RRP12: variants seen among roughly 807,000 people sequenced by gnomAD.
RRP12 encodes the protein ribosomal RNA processing 12 homolog.
In RRP12, 78 loss-of-function variants were observed where a neutral mutation model predicts 157.3. That is an observed-to-expected ratio of 0.50 (90% confidence interval 0.41 to 0.60). RRP12 has a LOEUF of 0.60. RRP12 is among the 20% of genes least tolerant of loss of function. RRP12 has a pLI of 0.00. For missense variants in RRP12, 1,521 were observed against 1,679.9 expected, an observed-to-expected ratio of 0.91 and a Z score of 1.65; for synonymous variants, 726 against 670.9, an observed-to-expected ratio of 1.08 and a Z score of -1.27.
chr10:97,395,342 G>A (rs1214486086), intron 3 of RRP12, among the ~76,000 whole-genome samples: 1 of 149,896 alleles, frequency 6.7e-6, no homozygotes, highest in East Asian at 2.0e-4. Flanking sequence ...ACCTGAGGTT[G>A]CGAGTTCGAG....
rs1179377981 is a variant in RRP12, at chr10:97,393,723, A to G, written c.491T>C (p.Leu164Pro). ...TMEAVESPES[L>P]AAVAYLLNLV... Reference sequence around the variant, plus strand: ...GTTCAGCAGGTAAGCAACGGCGGCCAGGGACTCCGGGGACTCCACTGCTTC... The same window carrying G: ...GTTCAGCAGGTAAGCAACGGCGGCCGGGGACTCCGGGGACTCCACTGCTTC... The change falls in exon 4 of 34, where the codon CTG becomes CCG. Residue 164 changes from leucine (L) to proline (P), a missense_variant. Leu to Pro is a moderately conservative substitution (Grantham distance 98). Coordinates refer to ENST00000370992, the MANE Select transcript of RRP12 (RefSeq NM_015179.4). The G allele has an allele frequency of 6.2e-7, 1 of 1,614,010 alleles. No homozygotes were observed. The highest frequency in any genetic ancestry group is 8.5e-7 in the Non-Finnish European group (1 of 1,180,016).
chr10:97,369,926 G>C (rs1434427149), intron 24 of RRP12, among the ~76,000 whole-genome samples: 3 of 152,208 alleles, frequency 2.0e-5, no homozygotes, highest in Non-Finnish European at 4.4e-5. Context: ...ATGGGATGCA[G>C]GGCCACTGGA....
chr10:97,380,715 T>TTG, intron 13 of RRP12, 84 bp downstream of exon 13: 1 of 972,936 alleles, frequency 1.0e-6, no homozygotes, highest in Non-Finnish European at 1.7e-6. Context: ...GGTGCAGAGA[T>TTG]AACAGAGACA....
Position 97,369,331 on chromosome 10 carries a change from T to C in RRP12, c.2955+94A>G, listed in dbSNP as rs184725539. 102 of 1,315,848 alleles carry C rather than the reference T, an allele frequency of 7.8e-5. No homozygotes were observed. The African/African-American group carries it at 1.3e-3, about 17-fold the overall frequency. 81.5% of individuals were successfully genotyped at this position (1,315,848 alleles called of 1,614,324 possible). ...TAATGACCTCTGGCTACAAAAAAAA[T>C]AGTTTGAAACTTGCTGGCCTCGAAG... On this transcript the variant is annotated intron_variant, in intron 25 of 33. Transcript: ENST00000370992.
Position 97,366,159 on chromosome 10 carries a change from T to A in RRP12, c.3466A>T (p.Ile1156Leu). 1 of 1,608,496 alleles carries A rather than the reference T, an allele frequency of 6.2e-7. No homozygotes were observed. ...TTGTTGCCGTCTGCCTCCTCCCTTA[T>A]GATCAGCCGGCCATCGGCGCTCACC... is the stretch of plus-strand genomic sequence containing the variant. The part of the protein sequence containing the change: ...FKVSADGRLI[I>L]REEADGNKME... Residue 1156 changes from isoleucine (I) to leucine (L), a missense_variant, in exon 29 of 34, where the codon ATA becomes TTA. Transcript: ENST00000370992.
chr10:97,381,047 G>A (rs1246142345), intron 12 of RRP12, 134 bp from the exon 13 acceptor site: 6 of 651,006 alleles, frequency 9.2e-6, no homozygotes, highest in Non-Finnish European at 1.6e-5. Flanking sequence ...AGAGACAACA[G>A]AAGAGAACTA....
chr10:97,380,345 A>T (rs1844432150), intron 13 of RRP12, among the ~76,000 whole-genome samples: 1 of 152,206 alleles, frequency 6.6e-6, no homozygotes, highest in Non-Finnish European at 1.5e-5. Flanking sequence ...GGCTGTCCTC[A>T]GGCCCCCACT....
intron 3 of RRP12, among the ~76,000 whole-genome samples, chr10:97,394,257 G>C (rs1339580197): frequency 2.0e-5 from 3 of 152,060 alleles, no homozygotes; most frequent in African/African-American, 4.8e-5. Flanking sequence ...GCAGGAGAAT[G>C]GCGTGAACCC....
intron 31 of RRP12, among the ~76,000 whole-genome samples, chr10:97,359,779 G>T (rs1051461487): frequency 6.6e-6 from 1 of 152,230 alleles, no homozygotes; most frequent in African/African-American, 2.4e-5. Context: ...CTCATCAATT[G>T]GCAGGTACTC....
intron 2 of RRP12, among the ~76,000 whole-genome samples, chr10:97,398,369 T>C (rs1279093033): frequency 5.4e-5 from 7 of 130,474 alleles, no homozygotes; most frequent in Non-Finnish European, 8.0e-5. Flanking sequence ...TTTTTTTTTT[T>C]TTGAGACAGA....
At position 97,386,772 on chromosome 10, in the gene RRP12, C is replaced by T. The variant is rs555678435; in HGVS notation, c.1018-779G>A. Among the ~76,000 whole-genome samples, 15 of 152,260 alleles carry T rather than the reference C, an allele frequency of 9.9e-5. No homozygotes were observed. In the East Asian group the frequency reaches 1.4e-3, roughly 14 times the overall value. Reference sequence around the variant, plus strand: ...TTGGGAGGCCGAGGTGAGTGGATCACGAGGCCAGGAGATCGAGAGCATCCT... The same window carrying T: ...TTGGGAGGCCGAGGTGAGTGGATCATGAGGCCAGGAGATCGAGAGCATCCT... On this transcript the variant is annotated intron_variant, in intron 8 of 33. Transcript: ENST00000370992.
At chr10:97,377,163 A>C (rs1364502059) in intron 15 of RRP12, among the ~76,000 whole-genome samples, 1 of 151,108 alleles carries the variant, frequency 6.6e-6, no homozygotes, top group African/African-American at 2.4e-5. Context: ...TACAGGTGTG[A>C]GCCACTGTGC....
chr10:97,370,324 G>C lies in RRP12; in HGVS notation c.2690-50C>G, dbSNP rs772960377. 11 of 1,447,108 alleles carry C rather than the reference G, an allele frequency of 7.6e-6. No individual in the cohort carries two copies. In the Admixed American group the frequency reaches 8.0e-5, roughly 10 times the overall value. The allele number at this position is 1,447,108 out of a possible 1,614,324, so 89.6% of individuals were successfully genotyped here. On this transcript the variant is annotated intron_variant, in intron 23 of 33. Coordinates refer to ENST00000370992, the MANE Select transcript of RRP12 (RefSeq NM_015179.4). ...CAAGCAGGAAGGACCCACCAGGTAG[G>C]GGGGCTGAGGGCCAGAGAGGAGCAG...
At chr10:97,365,908 T>C (rs1843962061) in intron 29 of RRP12, 200 bp downstream of exon 29, 6 of 648,066 alleles carry the variant, frequency 9.3e-6, no homozygotes, top group South Asian at 3.8e-5. Context: ...AAGTTAAATA[T>C]GTATTGTATA....
At chr10:97,373,423 T>C (rs1844215182) in intron 17 of RRP12, 152 bp downstream of exon 17, 3 of 1,025,404 alleles carry the variant, frequency 2.9e-6, no homozygotes, top group South Asian at 1.7e-5. Flanking sequence ...CCAGCAAAGT[T>C]ATCCCCTGGG....
rs565712768 is a variant in RRP12, at chr10:97,361,733, G to GC, written c.3568-1116dup. Among the ~76,000 whole-genome samples, 327 of 152,272 alleles carry GC rather than the reference G, an allele frequency of 2.1e-3. 1 individual carries two copies. The highest frequency in any genetic ancestry group is 7.4e-3 in the African/African-American group (306 of 41,556). On this transcript the variant is annotated intron_variant, in intron 30 of 33. Transcript: ENST00000370992. ...TGGCTCTTGGTTCAGCTGGTGCTTG[G>GC]CCAACAGCCCAGCCTGCTGGCCCTG...
In RRP12 at chr10:97,363,859, T is replaced by A. The variant is rs759035091; in HGVS notation, c.3562A>T (p.Arg1188Trp). Residue 1188 changes from arginine to tryptophan, a missense_variant, in exon 30 of 34, where the codon AGG (arginine) becomes TGG (tryptophan). Arg to Trp is a moderately radical substitution (Grantham distance 101, BLOSUM62 -3). Coordinates refer to ENST00000370992, the MANE Select transcript of RRP12 (RefSeq NM_015179.4). ...MADPMEDVII[R>W]NKKHQKLKHQ... ...CATCTGCAGGAACTACTCACATTCCTGATGATCACATCTTCCATTGGGTCA... is the reference window on the plus strand; with the variant it reads ...CATCTGCAGGAACTACTCACATTCCAGATGATCACATCTTCCATTGGGTCA... 2.5e-6 allele frequency: 4 copies of A among 1,613,998 alleles called. No homozygotes were observed. In the Admixed American group the frequency reaches 6.7e-5, roughly 27 times the overall value.
chr10:97,371,255 CAG>C (rs1350637027), intron 20 of RRP12, 174 bp from the exon 21 acceptor site: 3 of 689,172 alleles, frequency 4.4e-6, no homozygotes, highest in Non-Finnish European at 7.3e-6. Flanking sequence ...GGGCGAGGCA[CAG>C]GGGTTGGGGG....
rs773433306 is a variant in RRP12, at chr10:97,366,141, C to T, written c.3484G>A (p.Gly1162Ser). Residue 1162 changes from glycine (G) to serine (S), a missense_variant, in exon 29 of 34, where the codon GGC becomes AGC. Physicochemically the swap from Gly to Ser is moderately conservative, Grantham distance 56 (BLOSUM62 0). Coordinates refer to ENST00000370992, the MANE Select transcript of RRP12 (RefSeq NM_015179.4). ...GRLIIREEAD[G>S]NKMEEEEGAK... ...CCTTCCTCTTCCTCCATCTTGTTGCCGTCTGCCTCCTCCCTTATGATCAGC... is the reference window on the plus strand; with the variant it reads ...CCTTCCTCTTCCTCCATCTTGTTGCTGTCTGCCTCCTCCCTTATGATCAGC... The T allele has an allele frequency of 1.8e-5, 29 of 1,606,478 alleles. No individual in the cohort carries two copies. Among genetic ancestry groups the T allele is most frequent in the Middle Eastern group, 1.6e-4 (1 of 6,080 alleles).
Sources: allele counts gnomAD v4.1 joint callset (sites outside exome capture counted in the v4.1 genomes callset), GRCh38; gene constraint gnomAD v4.1.1; transcripts MANE v1.5; gene names NCBI Gene and HGNC (gene_info 2026-07-23, HGNC 2026-07-21).